Variants in WDR20 observed in about 807,000 individuals in gnomAD.
WDR20 encodes the protein WD repeat-containing protein 20.
In WDR20, 3 loss-of-function variants were observed where a neutral mutation model predicts 38.7. The ratio of observed to expected loss-of-function variants is 0.08; its 90% confidence interval spans 0.04 to 0.20. The LOEUF is 0.20. WDR20 is among the 10% of genes least tolerant of loss of function. The pLI is 1.00. For synonymous variants in WDR20, 298 were observed against 285.6 expected (o/e 1.04, Z -0.44); for missense variants, 559 against 727.7 (o/e 0.77, Z 2.67).
At chr14:102,141,627 T>C (rs1329408979) in intron 1 of WDR20, among the ~76,000 whole-genome samples, 1 of 152,150 alleles carries the variant, frequency 6.6e-6, no homozygotes, top group Non-Finnish European at 1.5e-5. Context: ...TATTTGCACC[T>C]CTTTAAAAAG....
chr14:102,218,307 C>T (rs2063472286), downstream of WDR20, among the ~76,000 whole-genome samples: 1 of 151,982 alleles, frequency 6.6e-6, no homozygotes, highest in African/African-American at 2.4e-5. Flanking sequence ...ACAGCTGTCT[C>T]CTTGAGGTTC....
chr14:102,157,095 T>C (rs375436905), intron 1 of WDR20, among the ~76,000 whole-genome samples: 1 of 151,804 alleles, frequency 6.6e-6, no homozygotes. Context: ...GACCCCCATC[T>C]CTGCAAAAAA....
At chr14:102,190,858 G>A (rs918215693) in intron 1 of WDR20, among the ~76,000 whole-genome samples, 7 of 151,892 alleles carry the variant, frequency 4.6e-5, no homozygotes, top group South Asian at 4.2e-4. Flanking sequence ...AAAATTAGCC[G>A]GGCATGTTGG....
At chr14:102,155,728 A>G (rs2057211545) in intron 1 of WDR20, among the ~76,000 whole-genome samples, 1 of 152,094 alleles carries the variant, frequency 6.6e-6, no homozygotes, top group Non-Finnish European at 1.5e-5. Context: ...GAATATAGAC[A>G]TCACAATAAT....
intron 1 of WDR20, among the ~76,000 whole-genome samples, chr14:102,168,798 T>C (rs1360028374): frequency 1.3e-5 from 2 of 152,152 alleles, no homozygotes; most frequent in Admixed American, 6.5e-5. Flanking sequence ...ATCCAGAATC[T>C]GAACACTTCT....
chr14:102,213,922 AG>A, downstream of WDR20: 1 of 985,460 alleles, frequency 1.0e-6, no homozygotes, highest in Non-Finnish European at 1.2e-6. Flanking sequence ...AAGAACTAGA[AG>A]CAGTTCACCA....
upstream of WDR20, chr14:102,139,652 C>G: frequency 1.5e-6 from 1 of 647,482 alleles, no homozygotes; most frequent in South Asian, 2.0e-5. Flanking sequence ...CCGGCATCAC[C>G]TGGGAAGCAG....
At chr14:102,193,804 G>A (rs560263761) in intron 1 of WDR20, among the ~76,000 whole-genome samples, 5 of 152,240 alleles carry the variant, frequency 3.3e-5, no homozygotes, top group Non-Finnish European at 5.9e-5. Context: ...GCCCCAGAGG[G>A]CCACACAGCG....
chr14:102,175,040 G>A lies in WDR20; in HGVS notation c.250-19898G>A, dbSNP rs143089724. Among the ~76,000 whole-genome samples the A allele has an allele frequency of 3.3e-5, 5 of 152,276 alleles. No individual in the cohort carries two copies. In the East Asian group the frequency reaches 9.6e-4, roughly 29 times the overall value. The stretch of plus-strand genomic sequence containing the variant: ...TACTCTGCTGATTATTTCTTTTGCT[G>A]TGCAGAAGTTTTTTCATTTAATTAA... On this transcript the variant is annotated intron_variant, in intron 1 of 2. Coordinates refer to ENST00000342702, the MANE Select transcript of WDR20 (RefSeq NM_144574.4).
At chr14:102,157,939 T>C (rs2057800174) in intron 1 of WDR20, among the ~76,000 whole-genome samples, 1 of 152,084 alleles carries the variant, frequency 6.6e-6, no homozygotes, top group East Asian at 1.9e-4. Context: ...TGTACTACAT[T>C]AGTGTATTGT....
In WDR20 at chr14:102,181,591, C is replaced by T. The variant is rs143304034; in HGVS notation, c.250-13347C>T. Among the ~76,000 whole-genome samples, 694 of 151,980 alleles carry T rather than the reference C, an allele frequency of 4.6e-3. 6 individuals carry two copies. The highest frequency in any genetic ancestry group is 0.016 in the African/African-American group (643 of 41,432). On this transcript the variant is annotated intron_variant, in intron 1 of 2. Transcript: ENST00000342702. ...AGACTTAGATTACATAAGATTTTTC[C>T]ATATTATAAATATATTACAGAATTA...
At chr14:102,188,433 G>A (rs554241879) in intron 1 of WDR20, among the ~76,000 whole-genome samples, 1 of 152,196 alleles carries the variant, frequency 6.6e-6, no homozygotes, top group Non-Finnish European at 1.5e-5. Flanking sequence ...CAGGGCTATG[G>A]TGAAGGCATG....
At chr14:102,188,438 G>A (rs999633346) in intron 1 of WDR20, among the ~76,000 whole-genome samples, 2 of 152,206 alleles carry the variant, frequency 1.3e-5, no homozygotes, top group African/African-American at 4.8e-5. Context: ...CTATGGTGAA[G>A]GCATGAACTG....
chr14:102,156,286 G>A (rs547765123), intron 1 of WDR20, among the ~76,000 whole-genome samples: 110 of 151,438 alleles, frequency 7.3e-4, no homozygotes, highest in Admixed American at 1.6e-3. Flanking sequence ...TCCTGCCTCA[G>A]CCTCCCGAGT....
At chr14:102,187,541 G>T (rs948065704) in intron 1 of WDR20, among the ~76,000 whole-genome samples, 1 of 152,120 alleles carries the variant, frequency 6.6e-6, no homozygotes, top group African/African-American at 2.4e-5. Context: ...AGGGTCTTTG[G>T]GGTAATGTAT....
intron 2 of WDR20, chr14:102,195,977 G>GA (rs1279728220): frequency 1.3e-5 from 2 of 152,358 alleles, no homozygotes; most frequent in Non-Finnish European, 1.5e-5. Context: ...GCAAGGGTCA[G>GA]GCTATGTGGG....
downstream of WDR20, among the ~76,000 whole-genome samples, chr14:102,219,927 G>C (rs2063696907): frequency 1.3e-5 from 2 of 152,220 alleles, no homozygotes; most frequent in Non-Finnish European, 2.9e-5. Flanking sequence ...ACAGTGGAGG[G>C]CATGAAGGTG....
chr14:102,151,173 A>ATTT (rs534503694), intron 1 of WDR20, among the ~76,000 whole-genome samples: 4,220 of 111,286 alleles, frequency 0.038, 214 homozygotes, highest in African/African-American at 0.13. Flanking sequence ...CCATTGGGGA[A>ATTT]TTTTTTTTTT....
chr14:102,217,509 G>C (rs923740473), downstream of WDR20, among the ~76,000 whole-genome samples: 5 of 152,222 alleles, frequency 3.3e-5, no homozygotes, highest in Non-Finnish European at 5.9e-5. Context: ...ACAGGTTAAA[G>C]CTGGCAGAGG....
Sources: allele counts gnomAD v4.1 joint callset (sites outside exome capture counted in the v4.1 genomes callset), GRCh38; gene constraint gnomAD v4.1.1; transcripts MANE v1.5; gene names NCBI Gene and HGNC (gene_info 2026-07-23, HGNC 2026-07-21).